The following DUXA variants were observed in gnomAD, a reference collection of about 807,000 sequenced individuals.
DUXA encodes double homeobox protein A.
DUXA carries 25 observed loss-of-function variants against 27.5 expected under a neutral mutation model. The ratio of observed to expected loss-of-function variants is 0.91; its 90% CI spans 0.66 to 1.27. The LOEUF is 1.27. DUXA is among the 50% of genes most tolerant of loss of function. The pLI is 0.00. For synonymous variants in DUXA, 90 were observed against 80.5 expected, an observed-to-expected ratio of 1.12 and a Z score of -0.63; for missense variants, 247 against 242.9, an observed-to-expected ratio of 1.02 and a Z score of -0.11.
chr19:57,154,963 T>C (rs1012993123), intron 5 of DUXA, among the ~76,000 whole-genome samples: 26 of 152,226 alleles, frequency 1.7e-4, no homozygotes, highest in Admixed American at 1.6e-3. Flanking sequence ...CTCCTCTCAC[T>C]CAATCACACC....
chr19:57,167,090 T>C (rs1271958935), intron 1 of DUXA, among the ~76,000 whole-genome samples: 2 of 152,300 alleles, frequency 1.3e-5, no homozygotes, highest in East Asian at 1.9e-4. Flanking sequence ...CTCTGAACTT[T>C]GTGATGTGTC....
At chr19:57,159,836 C>A (rs1401926996) in intron 2 of DUXA, among the ~76,000 whole-genome samples, 4 of 151,874 alleles carry the variant, frequency 2.6e-5, no homozygotes, top group East Asian at 1.9e-4. Context: ...GGTGCAGTGG[C>A]TCATGCCTGT....
intron 1 of DUXA, among the ~76,000 whole-genome samples, chr19:57,165,158 C>G (rs1251863099): frequency 2.0e-5 from 3 of 151,738 alleles, no homozygotes; most frequent in Non-Finnish European, 4.4e-5. Flanking sequence ...TTGTAAGTAA[C>G]ACCACCCCTT....
intron 1 of DUXA, among the ~76,000 whole-genome samples, chr19:57,166,475 A>G (rs141284015): frequency 0.025 from 3,856 of 152,010 alleles, 160 homozygotes; most frequent in African/African-American, 0.087. Context: ...ACGCCTGGTT[A>G]ATTTTTGTAT....
At chr19:57,161,589 C>G (rs958302161) in intron 1 of DUXA, among the ~76,000 whole-genome samples, 2 of 151,068 alleles carry the variant, frequency 1.3e-5, no homozygotes, top group South Asian at 4.2e-4. Context: ...CGCCACTGCA[C>G]TCCAGCCTGG....
chr19:57,156,058 G>T (rs1178244319), intron 4 of DUXA, among the ~76,000 whole-genome samples: 1 of 152,126 alleles, frequency 6.6e-6, no homozygotes, highest in African/African-American at 2.4e-5. Context: ...CAGTCCCTTT[G>T]TGATAGGTTT....
At chr19:57,159,379 A>G (rs899178483) in intron 2 of DUXA, 101 bp from the exon 3 acceptor site, 1 of 1,042,420 alleles carries the variant, frequency 9.6e-7, no homozygotes, top group African/African-American at 1.6e-5. Flanking sequence ...GCCTAGGCCC[A>G]GGATTATTAC....
Position 57,167,400 on chromosome 19 carries a change from C to A in DUXA, c.25+19G>T. 2 of 1,613,372 alleles carry A rather than the reference C, an allele frequency of 1.2e-6. No individual in the cohort carries two copies. The highest frequency in any genetic ancestry group is 1.7e-6 in the Non-Finnish European group (2 of 1,179,808). On this transcript the variant is annotated intron_variant, in intron 1 of 5. Coordinates refer to ENST00000554048, the MANE Select transcript of DUXA (RefSeq NM_001012729.2). ...TTCCCCAAACCAACAAAAGCTCAGT[C>A]AAGCACAAGGGAACTTACTGTGTGA... is the stretch of plus-strand genomic sequence containing the variant.
At chr19:57,160,931 G>C in intron 1 of DUXA, 134 bp from the exon 2 acceptor site, 1 of 978,766 alleles carries the variant, frequency 1.0e-6, no homozygotes, top group Non-Finnish European at 1.5e-6. Context: ...CCTCATACAA[G>C]TATGGAGCTC....
rs76281836 is a variant in DUXA at position 57,163,040 on chromosome 19, C to T, written c.26-2243G>A. On this transcript the variant is annotated intron_variant, in intron 1 of 5. Transcript: ENST00000554048. The stretch of plus-strand genomic sequence containing the variant: ...CTCATCTCCTTGACCTCATCATACG[C>T]GACATTCCACTTGGCTTTATATGTT... 1.3e-3 allele frequency among the ~76,000 whole-genome samples: 202 copies of T among 152,044 alleles called. 4 individuals carry two copies. The East Asian group carries it at 0.031, about 23-fold the overall frequency.
At chr19:57,159,955 A>G (rs961396182) in intron 2 of DUXA, among the ~76,000 whole-genome samples, 1 of 152,044 alleles carries the variant, frequency 6.6e-6, no homozygotes, top group African/African-American at 2.4e-5. Flanking sequence ...ACAAAACAAA[A>G]TTAGCTGATC....
At chr19:57,155,866 A>G (rs1179511870) in intron 4 of DUXA, among the ~76,000 whole-genome samples, 2 of 151,964 alleles carry the variant, frequency 1.3e-5, no homozygotes, top group Non-Finnish European at 2.9e-5. Flanking sequence ...ATGGAATTTC[A>G]CCATATTGGC....
intron 1 of DUXA, among the ~76,000 whole-genome samples, 160 bp downstream of exon 1, chr19:57,167,259 T>C (rs1396144726): frequency 1.3e-5 from 2 of 152,224 alleles, no homozygotes; most frequent in Non-Finnish European, 2.9e-5. Flanking sequence ...GAAAACAGCC[T>C]ATTTTCATAA....
chr19:57,160,078 T>A (rs1054619985), intron 2 of DUXA, among the ~76,000 whole-genome samples: 1 of 152,044 alleles, frequency 6.6e-6, no homozygotes, highest in Non-Finnish European at 1.5e-5. Context: ...GCACTCCAGC[T>A]TGGACGACAC....
chr19:57,162,498 A>C lies in DUXA; in HGVS notation c.26-1701T>G, dbSNP rs188089784. 6.3e-4 allele frequency among the ~76,000 whole-genome samples: 96 copies of C among 152,364 alleles called. 1 individual carries two copies. Among genetic ancestry groups the C allele is most frequent in the Non-Finnish European group, 1.1e-3 (74 of 68,040 alleles). Reference sequence around the variant, plus strand: ...GAGATGCTAGAAGTTCAGTTAAAAGACCAACAGCTTTTTTGTTTGATCTTT... The same window carrying C: ...GAGATGCTAGAAGTTCAGTTAAAAGCCCAACAGCTTTTTTGTTTGATCTTT... On this transcript the variant is annotated intron_variant, in intron 1 of 5. Transcript: ENST00000554048.
chr19:57,161,343 A>AAAAAC (rs1568464248), intron 1 of DUXA, among the ~76,000 whole-genome samples: 2 of 131,762 alleles, frequency 1.5e-5, no homozygotes, highest in African/African-American at 5.6e-5. Flanking sequence ...AAAAAAAAAA[A>AAAAAC]CTGGGCGCGG....
chr19:57,161,442 T>A (rs1342036431), intron 1 of DUXA, among the ~76,000 whole-genome samples: 1 of 148,464 alleles, frequency 6.7e-6, no homozygotes, highest in East Asian at 2.0e-4. Context: ...GCTAACATGA[T>A]GAAACCCCGT....
At chr19:57,167,271 AT>A (rs2087059418) in intron 1 of DUXA, 147 bp downstream of exon 1, 1 of 943,842 alleles carries the variant, frequency 1.1e-6, no homozygotes, top group Non-Finnish European at 1.7e-6. Flanking sequence ...TTTTCATAAT[AT>A]CACATCAGAG....
At chr19:57,167,363 T>C in intron 1 of DUXA, 56 bp downstream of exon 1, 1 of 1,609,402 alleles carries the variant, frequency 6.2e-7, no homozygotes, top group Non-Finnish European at 8.5e-7. Context: ...ACTGGGTTTT[T>C]AGCCCTACTT....
Sources: gnomAD v4.1 joint callset for allele counts (sites outside exome capture counted in the v4.1 genomes callset) on GRCh38, gnomAD v4.1.1 for gene constraint, MANE v1.5 for transcripts, NCBI Gene and HGNC (gene_info 2026-07-23, HGNC 2026-07-21) for gene names.